Variants in TXNL1 observed in about 807,000 individuals in gnomAD.
TXNL1 encodes the protein thioredoxin like 1, also known as thioredoxin-like protein 1.
Under a neutral mutation model 35.5 loss-of-function variants are expected in TXNL1, and 14 were observed. The observed-to-expected ratio is 0.39, with a 90% CI of 0.26 to 0.62. TXNL1 has a LOEUF of 0.62. Ranked by LOEUF, TXNL1 falls within the 20% of genes least tolerant of loss-of-function variation. The pLI, the probability that TXNL1 is intolerant of heterozygous loss-of-function variation, is 0.47. For missense variants in TXNL1, 263 were observed against 349.7 expected, an observed-to-expected ratio of 0.75 and a Z score of 1.98; for synonymous variants, 110 against 115.5, an observed-to-expected ratio of 0.95 and a Z score of 0.31.
At chr18:56,638,217 C>G (rs1452479409) in intron 1 of TXNL1, 126 bp downstream of exon 1, 6 of 972,086 alleles carry the variant, frequency 6.2e-6, no homozygotes, top group Non-Finnish European at 8.9e-6. Flanking sequence ...TCCGGCAGCT[C>G]CTGGGGCTGC....
At chr18:56,612,009 C>T (rs542795521) in intron 6 of TXNL1, among the ~76,000 whole-genome samples, 18 of 144,950 alleles carry the variant, frequency 1.2e-4, no homozygotes, top group Admixed American at 2.7e-4. Context: ...CTGCCACGCC[C>T]GGCTAATCTT....
rs1203896147 is a variant in TXNL1 at position 56,597,413 on chromosome 18, A to G, written c.*5614T>C. ...AACTGAAAGTTTATTAATATGATCA[A>G]TGATTCCTATAATTAAGCACTAGAA... is the stretch of plus-strand genomic sequence containing the variant. On this transcript the variant is annotated 3_prime_UTR_variant, in exon 8 of 8. Transcript: ENST00000217515. The G allele has an allele frequency of 6.6e-6, 1 of 152,234 alleles. No homozygotes were observed. The highest frequency in any genetic ancestry group is 2.4e-5 in the African/African-American group (1 of 41,464). The allele number at this position is 152,234 out of a possible 1,614,324, so 9.4% of individuals were successfully genotyped here. A position where few individuals can be genotyped will look rare whatever the true frequency, so the allele number is the denominator to read the frequency against.
At chr18:56,624,894 A>G (rs1330595423) in intron 2 of TXNL1, among the ~76,000 whole-genome samples, 2 of 152,216 alleles carry the variant, frequency 1.3e-5, no homozygotes, top group Non-Finnish European at 2.9e-5. Flanking sequence ...TGTTAAAAAG[A>G]GCATGTAATG....
chr18:56,638,521 G>T lies in TXNL1; in HGVS notation c.-81C>A. The T allele has an allele frequency of 7.0e-7, 1 of 1,438,796 alleles. No homozygotes were observed. The allele number at this position is 1,438,796 out of a possible 1,614,324, so 89.1% of individuals were successfully genotyped here. A position where few individuals can be genotyped will look rare whatever the true frequency, so the allele number is the denominator to read the frequency against. On this transcript the variant is annotated 5_prime_UTR_variant, in exon 1 of 8. Coordinates refer to ENST00000217515, the MANE Select transcript of TXNL1 (RefSeq NM_004786.3). ...AGAAGACGATCTGGGAGAGGAAGGA[G>T]AGATGCTCAGGAAGGCCGAGGCCTG...
Position 56,638,541 on chromosome 18 carries a change from G to A in TXNL1, c.-101C>T. The A allele has an allele frequency of 8.0e-7, 1 of 1,246,376 alleles. No individual in the cohort carries two copies. The highest frequency in any genetic ancestry group is 1.1e-6 in the Non-Finnish European group (1 of 908,478). The allele number at this position is 1,246,376 out of a possible 1,614,324, so 77.2% of individuals were successfully genotyped here. ...AAGGAGAGATGCTCAGGAAGGCCGA[G>A]GCCTGGACAGAAGAGGTGGCGACCG... On this transcript the variant is annotated 5_prime_UTR_variant, in exon 1 of 8. Transcript: ENST00000217515.
chr18:56,621,617 A>C (rs1375411456), intron 3 of TXNL1, among the ~76,000 whole-genome samples: 3 of 152,246 alleles, frequency 2.0e-5, no homozygotes, highest in Non-Finnish European at 4.4e-5. Flanking sequence ...GAAAACCTGC[A>C]ATGAGAAATA....
chr18:56,601,196 A>G lies in TXNL1; in HGVS notation c.*1831T>C, dbSNP rs1009610794. On this transcript the variant is annotated 3_prime_UTR_variant, in exon 8 of 8. Coordinates refer to ENST00000217515, the MANE Select transcript of TXNL1 (RefSeq NM_004786.3). ...TAAATGCCAATTATGCACATTTATA[A>G]TAGTAAGATTTCCCATTAAGTGAAA... The G allele has an allele frequency of 3.9e-5, 6 of 152,214 alleles. No individual in the cohort carries two copies. Among genetic ancestry groups the G allele is most frequent in the Non-Finnish European group, 5.9e-5 (4 of 68,036 alleles). The allele number at this position is 152,214 out of a possible 1,614,324, so 9.4% of individuals were successfully genotyped here.
chr18:56,609,077 T>G (rs568453261), intron 7 of TXNL1: 1 of 152,292 alleles, frequency 6.6e-6, no homozygotes, highest in South Asian at 2.1e-4. Flanking sequence ...TTTACAAATA[T>G]TTTTTATATT....
intron 2 of TXNL1, 105 bp from the exon 3 acceptor site, chr18:56,624,566 A>C (rs781419963): frequency 1.6e-6 from 2 of 1,288,548 alleles, no homozygotes; most frequent in East Asian, 2.3e-5. Context: ...TGAACTAAAA[A>C]CATGTAAAAT....
At chr18:56,613,211 A>G (rs2024025931) in intron 6 of TXNL1, among the ~76,000 whole-genome samples, 1 of 152,172 alleles carries the variant, frequency 6.6e-6, no homozygotes, top group African/African-American at 2.4e-5. Flanking sequence ...ATGAACACAT[A>G]CTTTAGCATT....
chr18:56,632,655 G>A (rs1191447713), intron 1 of TXNL1, among the ~76,000 whole-genome samples: 1 of 152,204 alleles, frequency 6.6e-6, no homozygotes, highest in African/African-American at 2.4e-5. Flanking sequence ...ATAACTGTAT[G>A]ATTCTGTTTC....
intron 1 of TXNL1, among the ~76,000 whole-genome samples, chr18:56,627,743 T>C (rs1175621676): frequency 6.6e-6 from 1 of 151,770 alleles, no homozygotes; most frequent in Non-Finnish European, 1.5e-5. Flanking sequence ...TCCAGATGGG[T>C]TGTAGATCTA....
At chr18:56,633,627 A>C (rs1245870464) in intron 1 of TXNL1, among the ~76,000 whole-genome samples, 2 of 151,284 alleles carry the variant, frequency 1.3e-5, no homozygotes, top group Non-Finnish European at 2.9e-5. Context: ...CTCAAAAAAA[A>C]AAAAAAAAAA....
intron 6 of TXNL1, 44 bp from the exon 7 acceptor site, chr18:56,611,141 C>T (rs2023984020): frequency 8.0e-7 from 1 of 1,243,800 alleles, no homozygotes; most frequent in African/African-American, 1.5e-5. Context: ...TCCTTCTTCA[C>T]AAACATGCTT....
intron 7 of TXNL1, chr18:56,604,580 C>G (rs1470836034): frequency 6.6e-6 from 1 of 152,054 alleles, no homozygotes; most frequent in Non-Finnish European, 1.5e-5. Context: ...TCAGACAAAC[C>G]AAAATTTAGG....
At chr18:56,617,440 C>T (rs932903986) in intron 4 of TXNL1, among the ~76,000 whole-genome samples, 3 of 151,958 alleles carry the variant, frequency 2.0e-5, no homozygotes, top group Non-Finnish European at 2.9e-5. Context: ...CTTCTGTTAC[C>T]GTATAGAAGA....
At position 56,599,278 on chromosome 18, in the gene TXNL1, T is replaced by C. The variant is rs927269505; in HGVS notation, c.*3749A>G. 6.9e-5 allele frequency: 10 copies of C among 144,712 alleles called. No individual in the cohort carries two copies. The highest frequency in any genetic ancestry group is 2.0e-4 in the African/African-American group (7 of 35,724). The allele number at this position is 144,712 out of a possible 1,614,324, so 9.0% of individuals were successfully genotyped here. ...TCTTATTCCTATAGTGCTGAGCATG[T>C]TAAAAAAAAAAAAAAACCTTATTGA... On this transcript the variant is annotated 3_prime_UTR_variant, in exon 8 of 8. Transcript: ENST00000217515.
At chr18:56,629,525 G>T (rs565464651) in intron 1 of TXNL1, among the ~76,000 whole-genome samples, 2 of 152,084 alleles carry the variant, frequency 1.3e-5, no homozygotes, top group Non-Finnish European at 2.9e-5. Context: ...TGTTTAGGGG[G>T]GAAGAAAGTC....
At chr18:56,637,346 A>C (rs2024471818) in intron 1 of TXNL1, among the ~76,000 whole-genome samples, 1 of 152,216 alleles carries the variant, frequency 6.6e-6, no homozygotes, top group Non-Finnish European at 1.5e-5. Context: ...CCAGCAGTAG[A>C]CTGCTCCAAG....
Sources: allele counts gnomAD v4.1 joint callset (sites outside exome capture counted in the v4.1 genomes callset), GRCh38; gene constraint gnomAD v4.1.1; transcripts MANE v1.5; gene names NCBI Gene and HGNC (gene_info 2026-07-23, HGNC 2026-07-21).